PRKG1: variants seen among roughly 807,000 people sequenced by gnomAD.
PRKG1 encodes protein kinase cGMP-dependent 1.
PRKG1 carries 35 observed loss-of-function variants against 88.1 expected under a neutral mutation model. That is an observed-to-expected ratio of 0.40 (90% confidence interval 0.30 to 0.53). PRKG1 has a LOEUF of 0.53. PRKG1 is among the 20% of genes least tolerant of loss of function. PRKG1 has a pLI of 0.59. For missense variants in PRKG1, 540 were observed against 839.8 expected, an observed-to-expected ratio of 0.64 and a Z score of 4.41; for synonymous variants, 303 against 292.5, an observed-to-expected ratio of 1.04 and a Z score of -0.37.
At position 51,135,666 on chromosome 10, in the gene PRKG1, T is replaced by TTGATTAACCATGGTTAATAACAATG. The variant is rs560171415; in HGVS notation, c.312-17488_312-17464dup. On this transcript the variant is annotated intron_variant, in intron 1 of 17. Coordinates refer to ENST00000373980, the MANE Select transcript of PRKG1 (RefSeq NM_006258.4). ...TGGTGTCAAAATCAGGAAATTGATG[T>TTGATTAACCATGGTTAATAACAATG]TGATTAACCATGGTTAATAACAATG... 2.6e-5 allele frequency among the ~76,000 whole-genome samples: 4 copies of TTGATTAACCATGGTTAATAACAATG among 152,222 alleles called. No individual in the cohort carries two copies. In the South Asian group the frequency reaches 8.3e-4, roughly 32 times the overall value.
At chr10:52,113,714 C>G (rs2132594954) in intron 7 of PRKG1, among the ~76,000 whole-genome samples, 1 of 152,166 alleles carries the variant, frequency 6.6e-6, no homozygotes, top group Admixed American at 6.5e-5. Flanking sequence ...AAGTCTCATG[C>G]TATAGCTGCA....
At position 52,208,764 on chromosome 10, in the gene PRKG1, G is replaced by C. The variant is rs79282728; in HGVS notation, c.1077-42806G>C. On this transcript the variant is annotated intron_variant, in intron 9 of 17. Coordinates refer to ENST00000373980, the MANE Select transcript of PRKG1 (RefSeq NM_006258.4). ...TTTTTCCATTTGGTCATGAAATATT[G>C]GCTATATTATTCTTTTAAAAGCCTG... Among the ~76,000 whole-genome samples, 1,295 of 152,116 alleles carry C rather than the reference G, an allele frequency of 8.5e-3. 26 individuals carry two copies. Among genetic ancestry groups the C allele is most frequent in the African/African-American group, 0.029 (1,224 of 41,498 alleles).
At chr10:51,488,968 A>G (rs1840625395) in intron 3 of PRKG1, among the ~76,000 whole-genome samples, 1 of 152,174 alleles carries the variant, frequency 6.6e-6, no homozygotes, top group African/African-American at 2.4e-5. Context: ...ACTAATCACT[A>G]AAGGAAAGTG....
At chr10:51,777,652 G>T (rs889074240) in intron 3 of PRKG1, among the ~76,000 whole-genome samples, 2 of 151,992 alleles carry the variant, frequency 1.3e-5, no homozygotes, top group Non-Finnish European at 2.9e-5. Flanking sequence ...TTACACTAGG[G>T]TTCACTCTTG....
intron 2 of PRKG1, among the ~76,000 whole-genome samples, chr10:51,385,619 ACATTGG>A (rs1837230312): frequency 6.6e-6 from 1 of 152,152 alleles, no homozygotes; most frequent in Non-Finnish European, 1.5e-5. Context: ...ATGGACTCCT[ACATTGG>A]CCTTGGTTTT....
intron 3 of PRKG1, among the ~76,000 whole-genome samples, chr10:51,539,582 C>A (rs1215335744): frequency 1.3e-5 from 2 of 152,128 alleles, no homozygotes; most frequent in Non-Finnish European, 2.9e-5. Flanking sequence ...AAAACATTCA[C>A]ACATCCCTGA....
intron 4 of PRKG1, among the ~76,000 whole-genome samples, chr10:51,876,634 C>A (rs1841307340): frequency 6.6e-6 from 1 of 152,176 alleles, no homozygotes. Context: ...AGTGTTCCAG[C>A]AATATTTCTT....
At chr10:51,087,666 G>A (rs1370081977) in intron 1 of PRKG1, among the ~76,000 whole-genome samples, 1 of 152,202 alleles carries the variant, frequency 6.6e-6, no homozygotes, top group South Asian at 2.1e-4. Context: ...CCATACTCAT[G>A]ATGGTCATGG....
At chr10:51,592,889 G>A (rs1213822846) in intron 3 of PRKG1, among the ~76,000 whole-genome samples, 1 of 152,108 alleles carries the variant, frequency 6.6e-6, no homozygotes, top group South Asian at 2.1e-4. Context: ...TTACAAATAG[G>A]ACCTCCAGTT....
At chr10:51,411,663 T>C (rs58738254) in intron 2 of PRKG1, among the ~76,000 whole-genome samples, 6,503 of 152,292 alleles carry the variant, frequency 0.043, 419 homozygotes, top group African/African-American at 0.13. Flanking sequence ...CTTCAAGTTG[T>C]AACTTTGATC....
intron 3 of PRKG1, among the ~76,000 whole-genome samples, chr10:51,656,900 G>A (rs1025288315): frequency 6.6e-6 from 1 of 152,098 alleles, no homozygotes; most frequent in African/African-American, 2.4e-5. Context: ...TAAGAGTACA[G>A]ACTCTGAAAG....
chr10:51,766,238 T>TA (rs903453251), intron 3 of PRKG1, among the ~76,000 whole-genome samples: 49 of 152,236 alleles, frequency 3.2e-4, no homozygotes, highest in African/African-American at 1.1e-3. Flanking sequence ...GACGCTTTTA[T>TA]AAAAAAGCAG....
chr10:51,505,946 A>C (rs955665582), intron 3 of PRKG1, among the ~76,000 whole-genome samples: 13 of 131,924 alleles, frequency 9.9e-5, no homozygotes, highest in African/African-American at 3.3e-4. Flanking sequence ...GATATTTTGA[A>C]GGGTTTTTTT....
chr10:52,106,759 A>T (rs981437204), intron 7 of PRKG1, among the ~76,000 whole-genome samples: 1 of 149,668 alleles, frequency 6.7e-6, no homozygotes, highest in African/African-American at 2.4e-5. Flanking sequence ...AAGTAAATAA[A>T]TAAAAATGTT....
intron 5 of PRKG1, among the ~76,000 whole-genome samples, chr10:51,971,268 G>A (rs1228131596): frequency 6.6e-6 from 1 of 151,748 alleles, no homozygotes; most frequent in South Asian, 2.1e-4. Flanking sequence ...AAAATTTATA[G>A]AGCTATCCAA....
chr10:51,979,326 AC>A (rs909727306), intron 5 of PRKG1, among the ~76,000 whole-genome samples: 12 of 148,476 alleles, frequency 8.1e-5, no homozygotes, highest in African/African-American at 3.0e-4. Context: ...TGTGATGGAT[AC>A]GCTTTTTGAT....
intron 3 of PRKG1, among the ~76,000 whole-genome samples, chr10:51,752,442 G>A (rs574645070): frequency 6.6e-6 from 1 of 152,246 alleles, no homozygotes; most frequent in East Asian, 1.9e-4. Flanking sequence ...ATTTATAATG[G>A]TAAAACTTAC....
chr10:51,476,990 G>A (rs2132837000), intron 3 of PRKG1, among the ~76,000 whole-genome samples: 1 of 152,090 alleles, frequency 6.6e-6, no homozygotes, highest in East Asian at 1.9e-4. Context: ...TTGCATAGGT[G>A]AGGCAACTGA....
intron 2 of PRKG1, chr10:51,245,196 TA>T (rs1839258207): frequency 6.6e-6 from 1 of 152,120 alleles, no homozygotes; most frequent in East Asian, 1.9e-4. Flanking sequence ...TTTACTAAAT[TA>T]GATTTTTTTT....
Sources: gnomAD v4.1 joint callset for allele counts (sites outside exome capture counted in the v4.1 genomes callset) on GRCh38, gnomAD v4.1.1 for gene constraint, MANE v1.5 for transcripts, NCBI Gene and HGNC (gene_info 2026-07-23, HGNC 2026-07-21) for gene names.